Variants in CD9 observed in about 807,000 individuals in gnomAD.
The protein encoded by CD9 is CD9 molecule, also known as CD9 antigen.
Under a neutral mutation model 31.4 loss-of-function variants are expected in CD9, and 10 were observed. The observed-to-expected ratio is 0.32, with a 90% CI of 0.20 to 0.54. CD9 has a LOEUF of 0.54. Among genes scored for constraint, CD9 ranks in the 20% least tolerant of loss-of-function variants. CD9 has a pLI of 0.94. For synonymous variants in CD9, 113 were observed against 114.1 expected (o/e 0.99, Z 0.06); for missense variants, 259 against 300.1 (o/e 0.86, Z 1.01).
upstream of CD9, chr12:6,200,371 T>C: frequency 1.7e-6 from 1 of 597,350 alleles, no homozygotes; most frequent in Non-Finnish European, 3.1e-6. Flanking sequence ...AGTGGCACTT[T>C]TTAAAAGTGC....
intron 1 of CD9, among the ~76,000 whole-genome samples, chr12:6,202,262 G>A (rs1946086151): frequency 1.3e-5 from 2 of 152,134 alleles, no homozygotes; most frequent in East Asian, 3.9e-4. Flanking sequence ...CCCAACCCTT[G>A]ACTTGCTTTA....
intron 1 of CD9, among the ~76,000 whole-genome samples, chr12:6,223,543 G>A (rs1946321344): frequency 6.6e-6 from 1 of 152,202 alleles, no homozygotes; most frequent in African/African-American, 2.4e-5. Flanking sequence ...TTACAGGCGT[G>A]AGCCACTGCA....
At chr12:6,208,231 A>G (rs796096552) in intron 1 of CD9, among the ~76,000 whole-genome samples, 11 of 151,994 alleles carry the variant, frequency 7.2e-5, no homozygotes, top group African/African-American at 2.4e-4. Flanking sequence ...TCTCAAAAAA[A>G]AAAAAAAAAG....
At chr12:6,230,977 G>A (rs1413165348) in intron 2 of CD9, among the ~76,000 whole-genome samples, 2 of 152,222 alleles carry the variant, frequency 1.3e-5, no homozygotes, top group Admixed American at 1.3e-4. Context: ...CGGGCAGACT[G>A]CATGGTTTGT....
At position 6,237,880 on chromosome 12, in the gene CD9, T is replaced by C; in HGVS notation, c.*52T>C. The stretch of plus-strand genomic sequence containing the variant: ...AGTTTACCCATGAAGATTGGTGGGA[T>C]TTTTTGTTTGTTTGTTTTGTTTTGT... On this transcript the variant is annotated 3_prime_UTR_variant, in exon 8 of 8. Transcript: ENST00000009180. 1 of 1,368,102 alleles carries C rather than the reference T, an allele frequency of 7.3e-7. No individual in the cohort carries two copies. The highest frequency in any genetic ancestry group is 1.0e-6 in the Non-Finnish European group (1 of 961,586). The allele number at this position is 1,368,102 out of a possible 1,614,324, so 84.7% of individuals were successfully genotyped here.
intron 1 of CD9, among the ~76,000 whole-genome samples, chr12:6,203,670 T>A (rs550886965): frequency 4.1e-4 from 63 of 152,288 alleles, no homozygotes; most frequent in African/African-American, 1.3e-3. Flanking sequence ...TGTTTCTACA[T>A]TTCCTTCAGA....
chr12:6,206,948 T>C (rs1338031349), intron 1 of CD9, among the ~76,000 whole-genome samples: 1 of 151,830 alleles, frequency 6.6e-6, no homozygotes, highest in East Asian at 1.9e-4. Flanking sequence ...TGCAGTATAG[T>C]GGCACCATCA....
chr12:6,234,713 C>T (rs1012979811), intron 4 of CD9, among the ~76,000 whole-genome samples: 4 of 152,224 alleles, frequency 2.6e-5, no homozygotes, highest in African/African-American at 9.6e-5. Flanking sequence ...CAGATTTACT[C>T]TGTACTGGAC....
intron 1 of CD9, chr12:6,206,222 CT>C (rs1251667675): frequency 5.0e-4 from 71 of 143,060 alleles, no homozygotes; most frequent in East Asian, 6.2e-4. Flanking sequence ...TTCTTTCTTT[CT>C]TTTTTTTTTT....
chr12:6,204,729 A>C (rs535116456), intron 1 of CD9, among the ~76,000 whole-genome samples: 7 of 152,342 alleles, frequency 4.6e-5, no homozygotes, highest in Admixed American at 4.6e-4. Context: ...TGCACCAGAC[A>C]TATCTTCCAA....
chr12:6,225,473 C>T lies in CD9; in HGVS notation c.114C>T (p.Asp38=). 1 of 1,613,894 alleles carries T rather than the reference C, an allele frequency of 6.2e-7. No individual in the cohort carries two copies. The change falls in exon 2 of 8, where the codon GAC becomes GAT. Residue 38 remains aspartate, a synonymous_variant. Coordinates refer to ENST00000009180, the MANE Select transcript of CD9 (RefSeq NM_001769.4). ...VLAIGLWLRF[D]SQTKSIFEQE... ...CCATTGGACTATGGCTCCGATTCGA[C>T]TCTCAGACCAAGAGCATCTTCGAGC...
At position 6,232,301 on chromosome 12, in the gene CD9, G is replaced by C; in HGVS notation, c.176-331G>C. 1 of 405,726 alleles carries C rather than the reference G, an allele frequency of 2.5e-6. No homozygotes were observed. The highest frequency in any genetic ancestry group is 4.6e-6 in the Non-Finnish European group (1 of 217,876). 25.1% of individuals were successfully genotyped at this position (405,726 alleles called of 1,614,324 possible). A position where few individuals can be genotyped will look rare whatever the true frequency, so the allele number is the denominator to read the frequency against. ...CTTGCTGGAAAGAGCTGACAGACTG[G>C]ACCAGTTTGCATTCCGAATGTAGGG... On this transcript the variant is annotated intron_variant, in intron 2 of 7. Transcript: ENST00000009180. The surrounding 1 kb of genome is among the most constrained non-coding windows in gnomAD (Gnocchi z 4.8).
chr12:6,214,344 CTTTTTT>C (rs71450123), intron 1 of CD9, among the ~76,000 whole-genome samples: 10 of 67,078 alleles, frequency 1.5e-4, no homozygotes, highest in East Asian at 4.9e-4. Context: ...CCATTAGCCT[CTTTTTT>C]TTTTTTTTTT....
chr12:6,203,859 C>G (rs1703869052), intron 1 of CD9, among the ~76,000 whole-genome samples: 1 of 152,304 alleles, frequency 6.6e-6, no homozygotes, highest in Admixed American at 6.5e-5. Flanking sequence ...GGAGGAACTC[C>G]TTAGGGCAAA....
In CD9 at chr12:6,235,264, C is replaced by G. The variant is rs780311448; in HGVS notation, c.384C>G (p.Thr128=). The change falls in exon 5 of 8, where the codon ACC becomes ACG. Residue 128 remains threonine, a synonymous_variant. Coordinates refer to ENST00000009180, the MANE Select transcript of CD9 (RefSeq NM_001769.4). ...AAGTCCAGGAGTTTTACAAGGACAC[C>G]TACAACAAGCTGAAAACCAAGGATG... ...IKEVQEFYKD[T]YNKLKTKDEP... 1 of 1,612,420 alleles carries G rather than the reference C, an allele frequency of 6.2e-7. No individual in the cohort carries two copies. Among genetic ancestry groups the G allele is most frequent in the African/African-American group, 1.3e-5 (1 of 75,028 alleles).
intron 7 of CD9, 107 bp downstream of exon 7, chr12:6,236,382 T>C: frequency 1.1e-6 from 1 of 944,948 alleles, no homozygotes; most frequent in Non-Finnish European, 1.6e-6. Flanking sequence ...CAACTCACTT[T>C]GTCCTCGTGC....
chr12:6,208,634 C>T (rs1242895631), intron 1 of CD9, among the ~76,000 whole-genome samples: 6 of 151,414 alleles, frequency 4.0e-5, no homozygotes, highest in African/African-American at 9.7e-5. Flanking sequence ...TGTAATGGTG[C>T]GATCGCAGCT....
intron 1 of CD9, among the ~76,000 whole-genome samples, chr12:6,217,521 A>G (rs1249726083): frequency 6.6e-6 from 1 of 151,902 alleles, no homozygotes; most frequent in Non-Finnish European, 1.5e-5. Context: ...ACAGATTGAG[A>G]CCTGTCTCAA....
chr12:6,233,171 G>A, intron 3 of CD9: 2 of 649,974 alleles, frequency 3.1e-6, no homozygotes, highest in South Asian at 1.8e-5. Flanking sequence ...CTAGTTCTGG[G>A]CTCAGCTGTG....
Sources: allele counts gnomAD v4.1 joint callset (sites outside exome capture counted in the v4.1 genomes callset), GRCh38; gene constraint gnomAD v4.1.1; non-coding constraint Gnocchi (gnomAD v3.1); transcripts MANE v1.5; gene names NCBI Gene and HGNC (gene_info 2026-07-23, HGNC 2026-07-21).